Variants in ROPN1L observed in about 807,000 individuals in gnomAD.
The protein encoded by ROPN1L is ropporin-1-like protein.
ROPN1L carries 23 observed loss-of-function variants against 22.7 expected under a neutral mutation model. The ratio of observed to expected loss-of-function variants is 1.01; its 90% confidence interval spans 0.73 to 1.43. The LOEUF is 1.43. ROPN1L is among the 40% of genes most tolerant of loss of function. ROPN1L has a pLI of 0.00. For synonymous variants in ROPN1L, 116 were observed against 117.8 expected (o/e 0.98, Z 0.10); for missense variants, 271 against 291.5 (o/e 0.93, Z 0.51).
chr5:10,441,914 G>A lies in ROPN1L; in HGVS notation c.-254G>A. On this transcript the variant is annotated 5_prime_UTR_variant, in exon 1 of 5. It adds an upstream start codon to the 5' untranslated region. Transcript: ENST00000274134. Reference sequence around the variant, plus strand: ...TGCCTGGATACCGAGCGCGTCCGTAGTGGCGGCTGGCGCTAGGGAACTGCA... The same window carrying A: ...TGCCTGGATACCGAGCGCGTCCGTAATGGCGGCTGGCGCTAGGGAACTGCA... 1 of 323,772 alleles carries A rather than the reference G, an allele frequency of 3.1e-6. No homozygotes were observed. Among genetic ancestry groups the A allele is most frequent in the Non-Finnish European group, 5.7e-6 (1 of 174,984 alleles). 20.1% of individuals were successfully genotyped at this position (323,772 alleles called of 1,614,324 possible). A position where few individuals can be genotyped will look rare whatever the true frequency, so the allele number is the denominator to read the frequency against.
chr5:10,443,424 C>A (rs1740949014), intron 1 of ROPN1L, among the ~76,000 whole-genome samples: 1 of 151,712 alleles, frequency 6.6e-6, no homozygotes, highest in Non-Finnish European at 1.5e-5. Flanking sequence ...AGATCGAGAC[C>A]ATCCTGGCTA....
Position 10,442,309 on chromosome 5 carries a change from T to G in ROPN1L, c.131+11T>G. ...GCGGTGGTCCGCGGGGTAAGCGCCC[T>G]TGGCCCGGGGAGCTGTCCGGTCTAC... On this transcript the variant is annotated intron_variant, in intron 1 of 4. Coordinates refer to ENST00000274134, the MANE Select transcript of ROPN1L (RefSeq NM_031916.5). The G allele has an allele frequency of 6.2e-7, 1 of 1,612,316 alleles. No homozygotes were observed. Among genetic ancestry groups the G allele is most frequent in the Non-Finnish European group, 8.5e-7 (1 of 1,179,578 alleles).
At chr5:10,479,821 C>T in the ROPN1L span, among the ~76,000 whole-genome samples, 3 of 152,036 alleles carry the variant, frequency 2.0e-5, no homozygotes, top group African/African-American at 4.8e-5. Context: ...TCTCGGCTCA[C>T]GCAACCTCTG....
At chr5:10,469,113 C>T (rs1236882977), downstream of ROPN1L, among the ~76,000 whole-genome samples, 1 of 151,974 alleles carries the variant, frequency 6.6e-6, no homozygotes, top group African/African-American at 2.4e-5. Context: ...CGAGATCGTG[C>T]CACTGCACTC....
At chr5:10,468,757 C>T (rs1735197282), downstream of ROPN1L, among the ~76,000 whole-genome samples, 1 of 152,168 alleles carries the variant, frequency 6.6e-6, no homozygotes, top group African/African-American at 2.4e-5. Flanking sequence ...TTGATAGGGG[C>T]TCCAGTACAA....
the ROPN1L span, chr5:10,477,958 T>C: frequency 6.6e-6 from 1 of 152,076 alleles, no homozygotes; most frequent in Non-Finnish European, 1.5e-5. Flanking sequence ...TTCAAAATCC[T>C]CCAGGATAAA....
At chr5:10,470,488 C>T (rs1434253218) in intron 4 of ROPN1L, among the ~76,000 whole-genome samples, 2 of 152,248 alleles carry the variant, frequency 1.3e-5, no homozygotes, top group Non-Finnish European at 2.9e-5. Context: ...TTCCCCGTAT[C>T]TGTCCCATTT....
At chr5:10,482,519 A>C in the ROPN1L span, among the ~76,000 whole-genome samples, 1 of 152,170 alleles carries the variant, frequency 6.6e-6, no homozygotes, top group African/African-American at 2.4e-5. Flanking sequence ...TTTAAGTGGC[A>C]TGTGGGGCTC....
chr5:10,470,661 G>A (rs2126481744), intron 4 of ROPN1L, among the ~76,000 whole-genome samples: 1 of 152,326 alleles, frequency 6.6e-6, no homozygotes, highest in South Asian at 2.1e-4. Context: ...CAGTTGGCCT[G>A]GGATATGGAA....
chr5:10,450,347 T>C (rs1349973177), intron 3 of ROPN1L, among the ~76,000 whole-genome samples: 1 of 152,234 alleles, frequency 6.6e-6, no homozygotes, highest in Admixed American at 6.5e-5. Context: ...AAGATATGGA[T>C]ACTATTAAAA....
intron 1 of ROPN1L, 25 bp from the exon 2 acceptor site, chr5:10,448,235 T>G: frequency 6.2e-7 from 1 of 1,613,570 alleles, no homozygotes; most frequent in Non-Finnish European, 8.5e-7. Flanking sequence ...TTGATGAGCT[T>G]TCAGAGATGT....
rs1179451685 is a variant in ROPN1L at position 10,442,378 on chromosome 5, G to A, written c.131+80G>A. ...CCCAGAGAGCCCTCCTCCCGGACCA[G>A]GGGCCTTACGCGGCACTCAGCGTCC... On this transcript the variant is annotated intron_variant, in intron 1 of 4. Transcript: ENST00000274134. The A allele has an allele frequency of 7.1e-6, 11 of 1,558,126 alleles. No individual in the cohort carries two copies. The East Asian group carries it at 2.3e-4, about 32-fold the overall frequency.
chr5:10,475,820 A>C (rs1735309981), downstream of ROPN1L, among the ~76,000 whole-genome samples: 1 of 152,234 alleles, frequency 6.6e-6, no homozygotes, highest in Non-Finnish European at 1.5e-5. Flanking sequence ...GCAGTAACAA[A>C]GTAACAAATC....
At chr5:10,477,052 T>C in the ROPN1L span, among the ~76,000 whole-genome samples, 8 of 152,378 alleles carry the variant, frequency 5.3e-5, no homozygotes, top group South Asian at 1.7e-3. Flanking sequence ...AGAGCAGCCA[T>C]AGACAATATG....
At chr5:10,443,861 T>C (rs1450866621) in intron 1 of ROPN1L, among the ~76,000 whole-genome samples, 1 of 152,232 alleles carries the variant, frequency 6.6e-6, no homozygotes, top group African/African-American at 2.4e-5. Context: ...AATCTCCCTC[T>C]GCCTCCTTCT....
the ROPN1L span, among the ~76,000 whole-genome samples, chr5:10,480,519 T>C: frequency 4.2e-4 from 63 of 151,602 alleles, no homozygotes; most frequent in South Asian, 2.7e-3. Context: ...TGCGTGTGCT[T>C]GGGGTGGGTC....
chr5:10,451,656 C>T (rs557958804), intron 3 of ROPN1L, among the ~76,000 whole-genome samples: 21 of 152,330 alleles, frequency 1.4e-4, no homozygotes, highest in African/African-American at 3.8e-4. Flanking sequence ...TGGGAAGCTC[C>T]GTGCCCTCAG....
At chr5:10,451,842 A>G (rs938679859) in intron 3 of ROPN1L, among the ~76,000 whole-genome samples, 2 of 152,218 alleles carry the variant, frequency 1.3e-5, no homozygotes, top group Non-Finnish European at 2.9e-5. Flanking sequence ...GGAGTGTCTC[A>G]GGGGTATTAT....
At chr5:10,450,232 T>G in intron 3 of ROPN1L, 119 bp downstream of exon 3, 1 of 737,310 alleles carries the variant, frequency 1.4e-6, no homozygotes. Flanking sequence ...GAAAAGCATT[T>G]CCCCCTGCTC....
Sources: gnomAD v4.1 joint callset for allele counts (sites outside exome capture counted in the v4.1 genomes callset) on GRCh38, gnomAD v4.1.1 for gene constraint, MANE v1.5 for transcripts, NCBI Gene and HGNC (gene_info 2026-07-23, HGNC 2026-07-21) for gene names.